The following PACRG variants were observed in gnomAD, a reference collection of about 807,000 sequenced individuals.
PACRG encodes the protein parkin coregulated.
A neutral mutation model predicts 29.7 loss-of-function variants in PACRG; 29 were observed. The observed-to-expected ratio is 0.98, with a 90% CI of 0.73 to 1.33. PACRG has a LOEUF of 1.33. Ranked by LOEUF, PACRG falls within the 40% of genes most tolerant of loss-of-function variation. The pLI is 0.00. For synonymous variants in PACRG, 116 were observed against 118.7 expected, an observed-to-expected ratio of 0.98 and a Z score of 0.15; for missense variants, 279 against 316.2, an observed-to-expected ratio of 0.88 and a Z score of 0.89.
At chr6:162,796,594 A>G (rs1184203339) in intron 1 of PACRG, among the ~76,000 whole-genome samples, 2 of 152,018 alleles carry the variant, frequency 1.3e-5, no homozygotes, top group Non-Finnish European at 2.9e-5. Context: ...TTTCTACAGT[A>G]CCACCTGATT....
intron 2 of PACRG, among the ~76,000 whole-genome samples, chr6:162,907,215 G>C (rs879548313): frequency 1.3e-5 from 2 of 151,852 alleles, no homozygotes; most frequent in African/African-American, 2.4e-5. Flanking sequence ...TGGAAATTTT[G>C]CCCTTTAAAT....
intron 4 of PACRG, among the ~76,000 whole-genome samples, chr6:163,145,680 G>C (rs112796780): frequency 6.6e-6 from 1 of 152,210 alleles, no homozygotes; most frequent in Admixed American, 6.5e-5. Context: ...GACAGAAAGC[G>C]TCAGTACCTG....
intron 2 of PACRG, among the ~76,000 whole-genome samples, chr6:162,958,902 G>T (rs1385250713): frequency 6.1e-4 from 48 of 79,050 alleles, no homozygotes; most frequent in African/African-American, 1.7e-3. Context: ...GAGAGAGAGA[G>T]AGAGAGAGAG....
intron 4 of PACRG, among the ~76,000 whole-genome samples, chr6:163,198,928 C>T (rs1391468705): frequency 6.6e-6 from 1 of 152,092 alleles, no homozygotes; most frequent in Non-Finnish European, 1.5e-5. Context: ...GAAGCAAAGG[C>T]AGGAAAACTC....
chr6:162,947,366 TC>T (rs1799152829), intron 2 of PACRG, among the ~76,000 whole-genome samples: 1 of 26,036 alleles, frequency 3.8e-5, no homozygotes, highest in Non-Finnish European at 9.2e-5. Flanking sequence ...TATAATGTAA[TC>T]ATATATAATC....
chr6:162,927,447 A>G (rs1797527205), intron 2 of PACRG, among the ~76,000 whole-genome samples: 1 of 152,176 alleles, frequency 6.6e-6, no homozygotes. Flanking sequence ...TGTGGTACAT[A>G]TACACCATGG....
chr6:163,283,058 A>G (rs1016933148), intron 4 of PACRG, among the ~76,000 whole-genome samples: 31 of 152,272 alleles, frequency 2.0e-4, no homozygotes, highest in Non-Finnish European at 7.3e-5. Context: ...TATAATTTAA[A>G]AATCACTTTG....
chr6:162,885,618 A>T (rs1288849283), intron 2 of PACRG, among the ~76,000 whole-genome samples: 1 of 152,180 alleles, frequency 6.6e-6, no homozygotes. Context: ...TGAATTATGT[A>T]TTGATCGTTG....
intron 4 of PACRG, chr6:163,166,267 T>TCAA (rs974687320): frequency 3.0e-5 from 13 of 427,654 alleles, no homozygotes; most frequent in African/African-American, 8.1e-5. Flanking sequence ...TTTGCCCTGC[T>TCAA]CAACAACAAC....
At chr6:163,179,149 T>C (rs1779525337) in intron 4 of PACRG, 2 of 453,786 alleles carry the variant, frequency 4.4e-6, no homozygotes, top group South Asian at 1.6e-5. Context: ...GGTTTTATAG[T>C]GGAAAGCTTT....
chr6:163,093,635 A>G (rs1814315098), intron 4 of PACRG, among the ~76,000 whole-genome samples: 1 of 152,182 alleles, frequency 6.6e-6, no homozygotes, highest in Admixed American at 6.5e-5. Flanking sequence ...TTCTAACAGT[A>G]CCAATAGTTC....
intron 4 of PACRG, among the ~76,000 whole-genome samples, chr6:163,147,415 A>G (rs111529000): frequency 0.014 from 2,204 of 152,278 alleles, 58 homozygotes; most frequent in African/African-American, 0.049. Context: ...CAGGGTTGCC[A>G]TGCCCAACTT....
chr6:162,947,596 A>ATATATATATATATAATCG lies in PACRG; in HGVS notation c.292-114542_292-114541insTAATCGTATATATATATA, dbSNP rs1491389787. Among the ~76,000 whole-genome samples, 10 of 13,358 alleles carry ATATATATATATATAATCG rather than the reference A, an allele frequency of 7.5e-4. 2 individuals are homozygous for ATATATATATATATAATCG. The East Asian group carries it at 0.01, about 14-fold the overall frequency. The allele number at this position is 13,358 out of a possible 152,430, so 8.8% of individuals were successfully genotyped here. On this transcript the variant is annotated intron_variant, in intron 2 of 4. Coordinates refer to ENST00000366888, the MANE Select transcript of PACRG (RefSeq NM_001080379.2). Reference sequence around the variant, plus strand: ...CTCATATATAATCATATATATAATCATATATATATATAATCATATATATAT... The same window carrying ATATATATATATATAATCG: ...CTCATATATAATCATATATATAATCATATATATATATATAATCGTATATATATATAATCATATATATAT...
At chr6:162,727,581 T>G (rs1024963107), upstream of PACRG, 2 of 1,438,282 alleles carry the variant, frequency 1.4e-6, no homozygotes, top group Admixed American at 3.9e-5. Context: ...CCGGGGGTCC[T>G]GGTCGGCCGA....
chr6:162,861,278 T>C (rs1409680007), intron 2 of PACRG, among the ~76,000 whole-genome samples: 2 of 151,998 alleles, frequency 1.3e-5, no homozygotes, highest in African/African-American at 4.9e-5. Context: ...GATGTCTTAA[T>C]TCAATTGGCT....
intron 4 of PACRG, among the ~76,000 whole-genome samples, chr6:163,240,555 C>CTCCT (rs1238370784): frequency 1.3e-5 from 2 of 152,126 alleles, no homozygotes; most frequent in Non-Finnish European, 2.9e-5. Context: ...CCTTGGTCCC[C>CTCCT]TCCTCCTCAA....
At chr6:163,183,794 G>A (rs1425730661) in intron 4 of PACRG, among the ~76,000 whole-genome samples, 1 of 152,266 alleles carries the variant, frequency 6.6e-6, no homozygotes, top group Non-Finnish European at 1.5e-5. Context: ...TTAGGAAAAC[G>A]CAGGCCAATG....
At chr6:163,015,342 G>C (rs973753895) in intron 2 of PACRG, among the ~76,000 whole-genome samples, 1 of 152,054 alleles carries the variant, frequency 6.6e-6, no homozygotes, top group Non-Finnish European at 1.5e-5. Context: ...CTCATTTCTG[G>C]TTCTATATGA....
chr6:163,004,737 T>TATACACACAC (rs1269987576), intron 2 of PACRG, among the ~76,000 whole-genome samples: 2 of 135,484 alleles, frequency 1.5e-5, no homozygotes, highest in African/African-American at 6.3e-5. Context: ...TATATATATA[T>TATACACACAC]ACACACACAC....
Sources: gnomAD v4.1 joint callset for allele counts (sites outside exome capture counted in the v4.1 genomes callset) on GRCh38, gnomAD v4.1.1 for gene constraint, MANE v1.5 for transcripts, NCBI Gene and HGNC (gene_info 2026-07-23, HGNC 2026-07-21) for gene names.